MYO16: variants seen among roughly 807,000 people sequenced by gnomAD.
The protein encoded by MYO16 is unconventional myosin-XVI.
Under a neutral mutation model 205.3 loss-of-function variants are expected in MYO16, and 94 were observed. The observed-to-expected ratio is 0.46, with a 90% CI of 0.39 to 0.54. MYO16 has a LOEUF of 0.54. Ranked by LOEUF, MYO16 falls within the 20% of genes least tolerant of loss-of-function variation. The pLI is 0.00. For synonymous variants in MYO16, 988 were observed against 954.0 expected (o/e 1.04, Z -0.66); for missense variants, 2,315 against 2,387.5 (o/e 0.97, Z 0.63).
intron 2 of MYO16, among the ~76,000 whole-genome samples, chr13:108,675,595 T>A (rs1882168437): frequency 6.6e-6 from 1 of 152,198 alleles, no homozygotes; most frequent in Non-Finnish European, 1.5e-5. Flanking sequence ...GATGGAAAGA[T>A]GCACCATTCA....
chr13:108,913,012 G>T (rs1231870462), intron 16 of MYO16, among the ~76,000 whole-genome samples: 1 of 152,126 alleles, frequency 6.6e-6, no homozygotes, highest in Non-Finnish European at 1.5e-5. Context: ...TCTGTATTGA[G>T]CTTCAATTCT....
chr13:108,633,756 A>G (rs1369593539), intron 1 of MYO16, among the ~76,000 whole-genome samples: 1 of 152,210 alleles, frequency 6.6e-6, no homozygotes, highest in African/African-American at 2.4e-5. Context: ...CAAGCCACTC[A>G]TGCTGATGAA....
intron 34 of MYO16, among the ~76,000 whole-genome samples, chr13:109,199,191 GGTATA>G (rs1412977833): frequency 1.9e-5 from 1 of 51,896 alleles, no homozygotes; most frequent in African/African-American, 7.8e-5. Context: ...TAATAAAAAA[GGTATA>G]TATATATATA....
chr13:108,914,525 G>A (rs1881403815), intron 16 of MYO16, among the ~76,000 whole-genome samples: 1 of 151,920 alleles, frequency 6.6e-6, no homozygotes, highest in African/African-American at 2.4e-5. Context: ...TTCCTTCATA[G>A]CAACTCACTA....
At chr13:108,736,960 A>T (rs1384323617) in intron 4 of MYO16, among the ~76,000 whole-genome samples, 1 of 152,136 alleles carries the variant, frequency 6.6e-6, no homozygotes. Context: ...GTGTATAAGA[A>T]TGCTTGAGAT....
chr13:108,556,231 A>G, the MYO16 span, among the ~76,000 whole-genome samples: 7 of 152,122 alleles, frequency 4.6e-5, no homozygotes, highest in African/African-American at 1.7e-4. Flanking sequence ...GTTTTCAATA[A>G]TGGGTGTACT....
At chr13:109,153,615 C>T (rs7985027) in intron 32 of MYO16, among the ~76,000 whole-genome samples, 2 of 151,866 alleles carry the variant, frequency 1.3e-5, no homozygotes, top group African/African-American at 2.4e-5. Context: ...AAAAAGTAGC[C>T]GGGCATGGTG....
chr13:108,689,135 TTAA>T (rs1016111062), intron 2 of MYO16, among the ~76,000 whole-genome samples: 93 of 34,884 alleles, frequency 2.7e-3, no homozygotes, highest in African/African-American at 0.012. Flanking sequence ...TTGATAATCT[TTAA>T]TAACATACAT....
chr13:108,828,186 A>C (rs1876389192), intron 9 of MYO16, among the ~76,000 whole-genome samples: 3 of 152,084 alleles, frequency 2.0e-5, no homozygotes, highest in Non-Finnish European at 4.4e-5. Flanking sequence ...CAAGAACATG[A>C]CTCATGCCAG....
intron 28 of MYO16, among the ~76,000 whole-genome samples, chr13:109,102,278 C>G (rs1281396887): frequency 6.6e-6 from 1 of 152,028 alleles, no homozygotes; most frequent in African/African-American, 2.4e-5. Context: ...GAGTCAGTGA[C>G]ATAGGGGTGG....
intron 1 of MYO16, among the ~76,000 whole-genome samples, chr13:108,661,838 T>C (rs927055436): frequency 6.6e-6 from 1 of 152,174 alleles, no homozygotes; most frequent in Admixed American, 6.5e-5. Context: ...CTAACGTGAT[T>C]TTTTTGGGAT....
intron 33 of MYO16, among the ~76,000 whole-genome samples, chr13:109,176,491 G>A (rs557896948): frequency 1.5e-5 from 2 of 136,566 alleles, no homozygotes; most frequent in Non-Finnish European, 3.1e-5. Flanking sequence ...TTTATTCATG[G>A]TTTGTGCGTT....
At chr13:108,786,374 A>T (rs576549682) in intron 5 of MYO16, among the ~76,000 whole-genome samples, 1 of 152,320 alleles carries the variant, frequency 6.6e-6, no homozygotes, top group African/African-American at 2.4e-5. Flanking sequence ...AGTGGGAGGT[A>T]TGAGAATCCC....
chr13:108,527,409 A>G, the MYO16 span, among the ~76,000 whole-genome samples: 1 of 152,174 alleles, frequency 6.6e-6, no homozygotes, highest in East Asian at 1.9e-4. Context: ...GCATACCTTG[A>G]TTTAACAAAT....
At chr13:108,714,351 G>T (rs1046326649) in intron 3 of MYO16, among the ~76,000 whole-genome samples, 31 of 152,142 alleles carry the variant, frequency 2.0e-4, no homozygotes, top group Non-Finnish European at 2.5e-4. Flanking sequence ...CACCGTGCCC[G>T]CCCATAAGCC....
At chr13:108,705,275 C>G (rs768740973) in intron 2 of MYO16, among the ~76,000 whole-genome samples, 11 of 152,178 alleles carry the variant, frequency 7.2e-5, no homozygotes, top group Non-Finnish European at 1.6e-4. Context: ...CTCTTGTTAT[C>G]TAACCATTGA....
chr13:109,029,189 A>C (rs1886473997), intron 23 of MYO16, among the ~76,000 whole-genome samples: 1 of 134,286 alleles, frequency 7.4e-6, no homozygotes, highest in Non-Finnish European at 1.5e-5. Context: ...ATCTCGGCTC[A>C]CTGCAACCTC....
At chr13:108,892,432 G>A (rs1002447110) in intron 14 of MYO16, among the ~76,000 whole-genome samples, 2 of 152,030 alleles carry the variant, frequency 1.3e-5, no homozygotes, top group African/African-American at 4.8e-5. Context: ...GTAGAGATGG[G>A]GTTGCACCAT....
intron 34 of MYO16, among the ~76,000 whole-genome samples, chr13:109,200,674 G>C (rs1880358136): frequency 6.6e-6 from 1 of 151,152 alleles, no homozygotes; most frequent in South Asian, 2.1e-4. Context: ...TGACTCAGGG[G>C]ATCTGGGACT....
Sources: allele counts gnomAD v4.1 joint callset (sites outside exome capture counted in the v4.1 genomes callset), GRCh38; gene constraint gnomAD v4.1.1; transcripts MANE v1.5; gene names NCBI Gene and HGNC (gene_info 2026-07-23, HGNC 2026-07-21).